The following PPP2R3C variants were observed in gnomAD, a reference collection of about 807,000 sequenced individuals.
The protein encoded by PPP2R3C is serine/threonine-protein phosphatase 2A regulatory subunit B'' subunit gamma.
PPP2R3C carries 47 observed loss-of-function variants against 63.7 expected under a neutral mutation model. The observed-to-expected ratio is 0.74, with a 90% CI of 0.58 to 0.94. The LOEUF is 0.94. Ranked by LOEUF, PPP2R3C falls within the 40% of genes least tolerant of loss-of-function variation. The pLI is 0.00. For synonymous variants in PPP2R3C, 180 were observed against 177.4 expected (o/e 1.01, Z -0.12); for missense variants, 421 against 518.4 (o/e 0.81, Z 1.82).
intron 6 of PPP2R3C, chr14:35,106,362 GA>G (rs2046358194): frequency 6.6e-6 from 1 of 152,376 alleles, no homozygotes; most frequent in Non-Finnish European, 1.5e-5. Flanking sequence ...TTTTTTTTGA[GA>G]CAGGGTCTCC....
chr14:35,119,873 C>T (rs2046814391), intron 1 of PPP2R3C, among the ~76,000 whole-genome samples: 1 of 91,496 alleles, frequency 1.1e-5, no homozygotes, highest in Non-Finnish European at 2.0e-5. Context: ...TTTTTTGAGA[C>T]GGAGTCTCGC....
At chr14:35,093,744 T>G (rs2045909479) in intron 10 of PPP2R3C, among the ~76,000 whole-genome samples, 1 of 152,048 alleles carries the variant, frequency 6.6e-6, no homozygotes, top group South Asian at 2.1e-4. Flanking sequence ...CCTCCCGGGT[T>G]CACACCATTA....
chr14:35,107,271 A>C (rs1276337593), intron 6 of PPP2R3C, 33 bp downstream of exon 6: 2 of 1,490,028 alleles, frequency 1.3e-6, no homozygotes, highest in Non-Finnish European at 9.4e-7. Context: ...TGTCTATAAG[A>C]GTTAATATAA....
At chr14:35,108,293 T>C in intron 4 of PPP2R3C, 57 bp from the exon 5 acceptor site, 1 of 1,505,906 alleles carries the variant, frequency 6.6e-7, no homozygotes, top group Non-Finnish European at 8.8e-7. Context: ...AAATGACTTC[T>C]ACATAAATTA....
chr14:35,110,836 T>A, intron 2 of PPP2R3C: 1 of 509,854 alleles, frequency 2.0e-6, no homozygotes, highest in Non-Finnish European at 3.5e-6. Flanking sequence ...AAAAAGCCAT[T>A]CTAAAAGCTA....
intron 11 of PPP2R3C, 21 bp downstream of exon 11, chr14:35,091,049 A>G (rs1190602405): frequency 6.3e-7 from 1 of 1,586,976 alleles, no homozygotes; most frequent in Non-Finnish European, 8.6e-7. Flanking sequence ...ACAATGACTC[A>G]CTTATGCAAA....
At chr14:35,110,707 A>G in intron 2 of PPP2R3C, 78 bp from the exon 3 acceptor site, 1 of 899,064 alleles carries the variant, frequency 1.1e-6, no homozygotes, top group South Asian at 1.5e-5. Flanking sequence ...CTCATAAAAT[A>G]ACTGTATGCC....
chr14:35,089,120 T>C (rs2045704952), intron 11 of PPP2R3C, among the ~76,000 whole-genome samples: 1 of 152,188 alleles, frequency 6.6e-6, no homozygotes, highest in Non-Finnish European at 1.5e-5. Context: ...TTTTTATTTT[T>C]AGAGATAGGG....
Position 35,108,216 on chromosome 14 carries a change from A to C in PPP2R3C, c.425T>G (p.Val142Gly). Reference protein sequence around the residue: ...AKCKQFFTAKVFAKLLHTDSY... With the variant: ...AKCKQFFTAKGFAKLLHTDSY... Reference sequence around the variant, plus strand: ...ATCTGTATGAAGGAGTTTAGCAAAGACTTTTGCTGTGAAAAATTGCCTAAG... The same window carrying C: ...ATCTGTATGAAGGAGTTTAGCAAAGCCTTTTGCTGTGAAAAATTGCCTAAG... The change falls in exon 5 of 13, where the codon GTC (valine) becomes GGC (glycine). Residue 142 changes from valine (V) to glycine (G), a missense_variant. By Grantham distance (109) the Val-to-Gly change is moderately radical. Coordinates refer to ENST00000261475, the MANE Select transcript of PPP2R3C (RefSeq NM_017917.4). 6.3e-7 allele frequency: 1 copy of C among 1,578,302 alleles called. No individual in the cohort carries two copies. Among genetic ancestry groups the C allele is most frequent in the Non-Finnish European group, 8.5e-7 (1 of 1,170,754 alleles).
At chr14:35,101,008 C>T (rs1269693891) in intron 6 of PPP2R3C, 2 of 152,068 alleles carry the variant, frequency 1.3e-5, no homozygotes, top group African/African-American at 2.4e-5. Flanking sequence ...TGGACTCTTG[C>T]TCTGTCACCC....
At chr14:35,091,300 G>T in intron 10 of PPP2R3C, 93 bp from the exon 11 acceptor site, 4 of 1,235,546 alleles carry the variant, frequency 3.2e-6, no homozygotes, top group Non-Finnish European at 3.3e-6. Flanking sequence ...TGCAATCAAA[G>T]GTGGCAAATT....
At chr14:35,113,594 T>C (rs1267086720) in intron 2 of PPP2R3C, among the ~76,000 whole-genome samples, 9 of 152,264 alleles carry the variant, frequency 5.9e-5, no homozygotes, top group Middle Eastern at 3.4e-3. Context: ...ACTCTTTTCA[T>C]GCATTCCCAC....
intron 4 of PPP2R3C, among the ~76,000 whole-genome samples, chr14:35,108,816 C>T (rs1396621670): frequency 1.3e-5 from 2 of 151,850 alleles, no homozygotes; most frequent in African/African-American, 2.4e-5. Flanking sequence ...TGCTCTGTTG[C>T]CCTGACTGAT....
At chr14:35,098,659 T>A (rs1262784529) in intron 7 of PPP2R3C, 2 of 152,254 alleles carry the variant, frequency 1.3e-5, no homozygotes. Flanking sequence ...CATAGCTGAA[T>A]TTTCAAGGAC....
upstream of PPP2R3C, chr14:35,122,184 T>A: frequency 1.8e-6 from 1 of 559,962 alleles, no homozygotes; most frequent in Non-Finnish European, 3.2e-6. Flanking sequence ...ATGAAAGAGA[T>A]GGAAAATGGT....
intron 4 of PPP2R3C, 46 bp from the exon 5 acceptor site, chr14:35,108,282 A>G: frequency 1.3e-6 from 2 of 1,526,298 alleles, no homozygotes; most frequent in East Asian, 2.5e-5. Flanking sequence ...AACATAAAAG[A>G]AAATGACTTC....
chr14:35,120,461 G>T (rs1388884916), intron 1 of PPP2R3C, among the ~76,000 whole-genome samples: 3 of 150,976 alleles, frequency 2.0e-5, no homozygotes, highest in Non-Finnish European at 4.4e-5. Context: ...TAGCCAGGAT[G>T]GTCTCGATCT....
upstream of PPP2R3C, chr14:35,122,110 G>A (rs28365850): frequency 0.18 from 124,331 of 710,162 alleles, 12,449 homozygotes; most frequent in East Asian, 0.38. Flanking sequence ...GGCTAAAGAG[G>A]CAAAAACAAT....
rs1364648304 is a variant in PPP2R3C at position 35,085,634 on chromosome 14, C to T, written c.1318G>A (p.Val440Ile). 1.2e-6 allele frequency: 2 copies of T among 1,612,922 alleles called. No homozygotes were observed. ...FWTYENREAL[V>I]ANDSENSADL... Reference sequence around the variant, plus strand: ...GCAGAGTTTTCACTGTCATTTGCAACAAGAGCCTCTCTGTTCTCGTAAGTC... The same window carrying T: ...GCAGAGTTTTCACTGTCATTTGCAATAAGAGCCTCTCTGTTCTCGTAAGTC... The change falls in exon 13 of 13, where the codon GTT becomes ATT. Residue 440 changes from valine to isoleucine, a missense_variant. Val to Ile is a conservative substitution (Grantham distance 29). Around this residue, in one of 3 missense-constraint regions of PPP2R3C, gnomAD observed 231 missense variants for 264.8 expected, o/e 0.87. Transcript: ENST00000261475.
Sources: gnomAD v4.1 joint callset for allele counts (sites outside exome capture counted in the v4.1 genomes callset) on GRCh38, gnomAD v4.1.1 for gene constraint, gnomAD v4.1.1 regional missense constraint, MANE v1.5 for transcripts, NCBI Gene and HGNC (gene_info 2026-07-23, HGNC 2026-07-21) for gene names.